SLC35H1: variants seen among roughly 807,000 people sequenced by gnomAD.
The protein encoded by SLC35H1 is ovarian cancer-overexpressed gene 1 protein.
chr20:46,356,419 G>A, the SLC35H1 span, among the ~76,000 whole-genome samples: 3 of 152,184 alleles, frequency 2.0e-5, no homozygotes, highest in South Asian at 2.1e-4. Context: ...GCGACTTCCC[G>A]GAGAGCTGCT....
chr20:46,356,483 G>T, the SLC35H1 span: 1 of 1,297,332 alleles, frequency 7.7e-7, no homozygotes, highest in Non-Finnish European at 1.1e-6. Context: ...TGGTGGAGTG[G>T]CTGGCCTAGC....
the SLC35H1 span, chr20:46,348,636 G>A: frequency 6.6e-6 from 1 of 152,380 alleles, no homozygotes; most frequent in East Asian, 1.9e-4. Flanking sequence ...CTGAATTAGA[G>A]GCAGATCTCG....
the SLC35H1 span, chr20:46,352,503 G>A: frequency 8.5e-5 from 32 of 377,436 alleles, no homozygotes; most frequent in Non-Finnish European, 8.8e-5. Context: ...CGGGATGATG[G>A]GACCCTAGCG....
chr20:46,358,564 A>C, the SLC35H1 span: 3 of 1,613,440 alleles, frequency 1.9e-6, no homozygotes, highest in East Asian at 6.7e-5. Flanking sequence ...CCCCTCTTGA[A>C]TACAATGTGC....
chr20:46,355,939 G>A, the SLC35H1 span: 9 of 1,601,882 alleles, frequency 5.6e-6, no homozygotes, highest in South Asian at 1.1e-5. The surrounding 1 kb of genome is among the most constrained non-coding windows in gnomAD (Gnocchi z 4.8). Flanking sequence ...ACCGAGAAAG[G>A]AGCAGGAGCA....
At chr20:46,357,264 G>A in the SLC35H1 span, among the ~76,000 whole-genome samples, 2 of 152,218 alleles carry the variant, frequency 1.3e-5, no homozygotes, top group Admixed American at 6.5e-5. Flanking sequence ...CCTGGGCTCC[G>A]TAGTGCCCTC....
At chr20:46,350,214 C>T in the SLC35H1 span, 22 of 634,762 alleles carry the variant, frequency 3.5e-5, no homozygotes, top group Non-Finnish European at 4.8e-5. Flanking sequence ...GTGCTCGCCC[C>T]TTGTGTGACC....
chr20:46,358,911 C>G, the SLC35H1 span: 11 of 643,556 alleles, frequency 1.7e-5, no homozygotes, highest in South Asian at 1.6e-4. Context: ...GTCGTGTCTG[C>G]TGTCTTGTCA....
At chr20:46,348,308 G>C in the SLC35H1 span, 1 of 152,214 alleles carries the variant, frequency 6.6e-6, no homozygotes, top group Non-Finnish European at 1.5e-5. Flanking sequence ...AGACAGCAAC[G>C]CTTGCTCCCT....
chr20:46,358,577 G>A, the SLC35H1 span: 15 of 1,611,320 alleles, frequency 9.3e-6, no homozygotes, highest in South Asian at 2.2e-5. Context: ...CAATGTGCAG[G>A]AAGAGCCGGT....
chr20:46,351,974 G>T, the SLC35H1 span: 1 of 1,467,508 alleles, frequency 6.8e-7, no homozygotes, highest in Non-Finnish European at 9.3e-7. Context: ...TGCAGGAGCT[G>T]GGACTGAAGC....
chr20:46,350,921 T>G, the SLC35H1 span: 600 of 1,612,098 alleles, frequency 3.7e-4, 4 homozygotes, highest in African/African-American at 6.9e-3. Context: ...GGGAGCATGA[T>G]CAACAGGCAG....
At chr20:46,348,227 T>C in the SLC35H1 span, 1 of 152,148 alleles carries the variant, frequency 6.6e-6, no homozygotes, top group African/African-American at 2.4e-5. Context: ...TGCTGCTAAA[T>C]GAAGGGCTGT....
chr20:46,355,311 C>A, the SLC35H1 span: 1 of 1,510,204 alleles, frequency 6.6e-7, no homozygotes, highest in South Asian at 1.2e-5. This position sits in a 1 kb window ranked among gnomAD's most constrained non-coding sequence, Gnocchi z 4.8. Context: ...ACATTTGGAG[C>A]CTGGGGTCAG....
chr20:46,360,648 G>A, the SLC35H1 span, among the ~76,000 whole-genome samples: 6 of 152,152 alleles, frequency 3.9e-5, no homozygotes, highest in East Asian at 1.9e-4. Flanking sequence ...AGGTTCAAGC[G>A]ATTCTCCTGC....
the SLC35H1 span, among the ~76,000 whole-genome samples, chr20:46,357,327 A>G: frequency 6.6e-6 from 1 of 151,970 alleles, no homozygotes. Context: ...CTCACCACTT[A>G]TCTCCAGGCC....
chr20:46,356,685 T>C, the SLC35H1 span: 2 of 1,577,456 alleles, frequency 1.3e-6, no homozygotes, highest in Non-Finnish European at 1.7e-6. Context: ...GTCCACACTC[T>C]GCTGGGGTGG....
the SLC35H1 span, chr20:46,346,037 G>A: frequency 5.9e-5 from 9 of 152,294 alleles, no homozygotes; most frequent in South Asian, 6.2e-4. Flanking sequence ...AGCGATCACC[G>A]GCCAGGGCAC....
At chr20:46,362,053 A>C in the SLC35H1 span, among the ~76,000 whole-genome samples, 1 of 152,276 alleles carries the variant, frequency 6.6e-6, no homozygotes, top group East Asian at 1.9e-4. Context: ...CGCCTACAAG[A>C]AGCACTGTCT....
Sources: gnomAD v4.1 joint callset for allele counts (sites outside exome capture counted in the v4.1 genomes callset) on GRCh38, gnomAD v4.1.1 for gene constraint, Gnocchi (gnomAD v3.1) non-coding constraint, MANE v1.5 for transcripts, NCBI Gene and HGNC (gene_info 2026-07-23, HGNC 2026-07-21) for gene names.